The following RAD23B variants were observed in gnomAD, a reference collection of about 807,000 sequenced individuals.
The protein encoded by RAD23B is lysine-specific demethylase RAD23B.
Under a neutral mutation model 49.1 loss-of-function variants are expected in RAD23B, and 5 were observed. The ratio of observed to expected loss-of-function variants is 0.10; its 90% CI spans 0.05 to 0.21. The LOEUF (loss-of-function observed/expected upper bound fraction) is 0.21. Ranked by LOEUF, RAD23B falls within the 10% of genes least tolerant of loss-of-function variation. RAD23B has a pLI of 1.00. For missense variants in RAD23B, 356 were observed against 486.7 expected, an observed-to-expected ratio of 0.73 and a Z score of 2.53; for synonymous variants, 184 against 165.4, an observed-to-expected ratio of 1.11 and a Z score of -0.86.
chr9:107,295,558 T>A (rs2133069006), intron 1 of RAD23B, among the ~76,000 whole-genome samples: 1 of 152,292 alleles, frequency 6.6e-6, no homozygotes, highest in East Asian at 1.9e-4. Context: ...CTGTTTTTAA[T>A]AAGGTAGAAA....
At chr9:107,296,566 CTTT>C (rs113179056) in intron 1 of RAD23B, among the ~76,000 whole-genome samples, 1 of 142,222 alleles carries the variant, frequency 7.0e-6, no homozygotes, top group South Asian at 2.2e-4. Flanking sequence ...GTCTCTCTCT[CTTT>C]TTTTTTTTCT....
chr9:107,298,043 A>G (rs1826568181), intron 1 of RAD23B, among the ~76,000 whole-genome samples: 1 of 152,214 alleles, frequency 6.6e-6, no homozygotes, highest in Admixed American at 6.5e-5. Flanking sequence ...GCATAGAGAT[A>G]CACTTGGTCT....
At chr9:107,307,178 A>T (rs1826796852) in intron 4 of RAD23B, among the ~76,000 whole-genome samples, 1 of 152,134 alleles carries the variant, frequency 6.6e-6, no homozygotes. Flanking sequence ...TATCTTTGTG[A>T]ACTTGTGAGA....
chr9:107,288,038 A>G (rs1833310677), intron 1 of RAD23B, among the ~76,000 whole-genome samples: 1 of 152,206 alleles, frequency 6.6e-6, no homozygotes, highest in South Asian at 2.1e-4. Context: ...TATTAAAAAT[A>G]CTATATCACA....
At chr9:107,326,886 G>A (rs1450580042) in intron 9 of RAD23B, among the ~76,000 whole-genome samples, 3 of 151,788 alleles carry the variant, frequency 2.0e-5, no homozygotes, top group African/African-American at 4.8e-5. Flanking sequence ...TGATCCACCC[G>A]CCTCGGCCTC....
At chr9:107,311,591 A>G (rs1826887871) in intron 4 of RAD23B, 91 bp from the exon 5 acceptor site, 2 of 832,048 alleles carry the variant, frequency 2.4e-6, no homozygotes, top group Non-Finnish European at 3.7e-6. Context: ...AAAATCAAAG[A>G]ATCTGTTTAC....
chr9:107,329,907 T>C lies in RAD23B; in HGVS notation c.*251T>C, dbSNP rs1827277770. On this transcript the variant is annotated 3_prime_UTR_variant, in exon 10 of 10. Coordinates refer to ENST00000358015, the MANE Select transcript of RAD23B (RefSeq NM_002874.5). ...ACCAAAAATCAGCTTTTGCAGGTCTTTATTTCTTCTGTAAAACAGTAGGTA... is the reference window on the plus strand; with the variant it reads ...ACCAAAAATCAGCTTTTGCAGGTCTCTATTTCTTCTGTAAAACAGTAGGTA... The C allele has an allele frequency of 3.9e-6, 1 of 254,658 alleles. No individual in the cohort carries two copies. 15.8% of individuals were successfully genotyped at this position (254,658 alleles called of 1,614,324 possible). A position where few individuals can be genotyped will look rare whatever the true frequency, so the allele number is the denominator to read the frequency against.
rs777289896 is a variant in RAD23B, at chr9:107,323,974, C to T, written c.902C>T (p.Ala301Val). ...CAGCAGAATCCTTCCTTGCTTCCAG[C>T]GTTACTACAGCAGATAGGTCGAGAG... ...IIQQNPSLLP[A>V]LLQQIGRENP... Residue 301 changes from alanine (A) to valine (V), a missense_variant, in exon 8 of 10, where the codon GCG becomes GTG. By Grantham distance (64) the Ala-to-Val change is moderately conservative. Around this residue, in one of 5 missense-constraint regions of RAD23B, gnomAD observed 148 missense variants for 231.7 expected, o/e 0.64. Transcript: ENST00000358015. 17 of 1,612,990 alleles carry T rather than the reference C, an allele frequency of 1.1e-5. No individual in the cohort carries two copies. The highest frequency in any genetic ancestry group is 2.2e-5 in the East Asian group (1 of 44,858).
chr9:107,310,724 T>C (rs549454347), intron 4 of RAD23B, among the ~76,000 whole-genome samples: 9 of 152,354 alleles, frequency 5.9e-5, no homozygotes, highest in African/African-American at 2.2e-4. Flanking sequence ...GTATTCTTAT[T>C]GGGTGTTACG....
Position 107,323,907 on chromosome 9 carries a change from T to G in RAD23B, c.835T>G (p.Leu279Val). The G allele has an allele frequency of 6.2e-7, 1 of 1,610,290 alleles. No individual in the cohort carries two copies. Among genetic ancestry groups the G allele is most frequent in the Non-Finnish European group, 8.5e-7 (1 of 1,176,568 alleles). ...TSSGGHPLEFLRNQPQFQQMR... is the reference protein window; with the variant it reads ...TSSGGHPLEFVRNQPQFQQMR... The stretch of plus-strand genomic sequence containing the variant: ...TATTTTAGGACATCCCCTTGAATTT[T>G]TACGGAATCAGCCTCAGTTTCAACA... The change falls in exon 8 of 10, where the codon TTA becomes GTA. Residue 279 changes from leucine (L) to valine (V), a missense_variant. By Grantham distance (32) the Leu-to-Val change is conservative (BLOSUM62 1). Around this residue, in one of 5 missense-constraint regions of RAD23B, gnomAD observed 148 missense variants for 231.7 expected, o/e 0.64. Coordinates refer to ENST00000358015, the MANE Select transcript of RAD23B (RefSeq NM_002874.5).
chr9:107,296,549 G>A (rs191871935), intron 1 of RAD23B, among the ~76,000 whole-genome samples: 1 of 151,506 alleles, frequency 6.6e-6, no homozygotes, highest in Non-Finnish European at 1.5e-5. Flanking sequence ...AAACAGTTTT[G>A]TGCCTTGTCT....
chr9:107,325,811 G>T (rs1376255037), intron 9 of RAD23B, among the ~76,000 whole-genome samples: 1 of 152,092 alleles, frequency 6.6e-6, no homozygotes, highest in African/African-American at 2.4e-5. Context: ...ATCCTTGTCT[G>T]GTTCTTGATC....
At chr9:107,322,149 A>G (rs1387946503) in intron 7 of RAD23B, 31 bp downstream of exon 7, 1 of 1,544,596 alleles carries the variant, frequency 6.5e-7, no homozygotes, top group South Asian at 1.2e-5. Flanking sequence ...TGGGGAGGGA[A>G]TGGCCCTGAA....
At chr9:107,320,172 ATTATT>A (rs1451005352) in intron 6 of RAD23B, among the ~76,000 whole-genome samples, 2 of 152,174 alleles carry the variant, frequency 1.3e-5, no homozygotes, top group East Asian at 3.8e-4. Flanking sequence ...TTCTTAGCAT[ATTATT>A]TTATCTTTTT....
chr9:107,295,079 CGGTG>C, intron 1 of RAD23B, among the ~76,000 whole-genome samples: 1 of 142,870 alleles, frequency 7.0e-6, no homozygotes, highest in African/African-American at 2.6e-5. Context: ...GAATGGCCAG[CGGTG>C]GGTGGGGGGG....
At chr9:107,309,022 G>C (rs779463300) in intron 4 of RAD23B, among the ~76,000 whole-genome samples, 11 of 152,182 alleles carry the variant, frequency 7.2e-5, no homozygotes, top group Admixed American at 2.0e-4. Flanking sequence ...ATCTACCTGA[G>C]AGAAACTGCA....
At chr9:107,311,336 A>G (rs954959696) in intron 4 of RAD23B, among the ~76,000 whole-genome samples, 4 of 152,190 alleles carry the variant, frequency 2.6e-5, no homozygotes, top group African/African-American at 9.6e-5. Context: ...CTTGATTTAT[A>G]AATTATTTAA....
intron 2 of RAD23B, 152 bp from the exon 3 acceptor site, chr9:107,301,883 C>G: frequency 3.6e-6 from 4 of 1,117,836 alleles, no homozygotes; most frequent in Non-Finnish European, 4.8e-6. Flanking sequence ...ATTGGTTTTT[C>G]TTTGGGAAAA....
chr9:107,295,600 T>G (rs1409803264), intron 1 of RAD23B, among the ~76,000 whole-genome samples: 6 of 152,354 alleles, frequency 3.9e-5, no homozygotes, highest in Non-Finnish European at 8.8e-5. Context: ...GAGAGGATGC[T>G]GTGAATCAGA....
Sources: gnomAD v4.1 joint callset for allele counts (sites outside exome capture counted in the v4.1 genomes callset) on GRCh38, gnomAD v4.1.1 for gene constraint, gnomAD v4.1.1 regional missense constraint, MANE v1.5 for transcripts, NCBI Gene and HGNC (gene_info 2026-07-23, HGNC 2026-07-21) for gene names.